The following RPL27A variants were observed in gnomAD, a reference collection of about 807,000 sequenced individuals.
RPL27A encodes large ribosomal subunit protein uL15.
For missense variants in RPL27A, 118 were observed against 189.4 expected, an observed-to-expected ratio of 0.62 and a Z score of 2.21; for synonymous variants, 69 against 68.3, an observed-to-expected ratio of 1.01 and a Z score of -0.05.
rs1412409228 is a variant in RPL27A, at chr11:8,684,843, C to T, written c.269C>T (p.Ala90Val). 3 of 1,614,050 alleles carry T rather than the reference C, an allele frequency of 1.9e-6. No individual in the cohort carries two copies. Among genetic ancestry groups the T allele is most frequent in the Non-Finnish European group, 2.5e-6 (3 of 1,179,898 alleles). Residue 90 changes from alanine (A) to valine (V), a missense_variant, in exon 4 of 5, where the codon GCT becomes GTT. Transcript: ENST00000314138. Reference protein sequence around the residue: ...TLVSEQTRVNAAKNKTGAAPI... With the variant: ...TLVSEQTRVNVAKNKTGAAPI... The stretch of plus-strand genomic sequence containing the variant: ...GTCAGTGAACAGACACGGGTGAATG[C>T]TGCTAAAAACAAGACTGGGGCTGCT...
At chr11:8,684,974 G>T in intron 4 of RPL27A, 82 bp downstream of exon 4, 6 of 1,292,114 alleles carry the variant, frequency 4.6e-6, no homozygotes, top group Non-Finnish European at 6.8e-6. Flanking sequence ...TATATAATCT[G>T]TACTTCCCAG....
chr11:8,683,130 C>T, intron 1 of RPL27A, 72 bp from the exon 2 acceptor site: 20 of 1,458,934 alleles, frequency 1.4e-5, no homozygotes, highest in Non-Finnish European at 1.8e-5. Context: ...GCTTACAGGA[C>T]CATCTCGGCT....
At chr11:8,685,552 C>A in intron 4 of RPL27A, 126 bp from the exon 5 acceptor site, 1 of 1,065,672 alleles carries the variant, frequency 9.4e-7, no homozygotes, top group Non-Finnish European at 1.5e-6. Context: ...CCCGTTAGTG[C>A]CCAGATCAGA....
chr11:8,684,301 C>A, intron 3 of RPL27A: 2 of 752,120 alleles, frequency 2.7e-6, no homozygotes, highest in Non-Finnish European at 4.9e-6. Context: ...AACTGCTGAC[C>A]TTATTCACTG....
Position 8,686,037 on chromosome 11 carries a change from C to T in RPL27A, c.*231C>T, listed in dbSNP as rs140695892. On this transcript the variant is annotated 3_prime_UTR_variant, in exon 5 of 5. Coordinates refer to ENST00000314138, the MANE Select transcript of RPL27A (RefSeq NM_000990.5). ...TCTGTTTATAAAGTCAGAATAATAC[C>T]TGTTGATCACTGAAAGGCCTGCATG... 8.3e-5 allele frequency: 41 copies of T among 493,664 alleles called. No individual in the cohort carries two copies. Among genetic ancestry groups the T allele is most frequent in the African/African-American group, 7.5e-4 (39 of 52,032 alleles). The allele number at this position is 493,664 out of a possible 1,614,324, so 30.6% of individuals were successfully genotyped here.
Position 8,687,123 on chromosome 11 carries a change from T to C in RPL27A, c.*1317T>C, listed in dbSNP as rs2039593593. 6.6e-6 allele frequency: 1 copy of C among 152,254 alleles called. No individual in the cohort carries two copies. Among genetic ancestry groups the C allele is most frequent in the Admixed American group, 6.5e-5 (1 of 15,284 alleles). 9.4% of individuals were successfully genotyped at this position (152,254 alleles called of 1,614,324 possible). On this transcript the variant is annotated 3_prime_UTR_variant, in exon 5 of 5. Transcript: ENST00000314138. ...ACAAGTAGTGAAACCTCGATTCAGC[T>C]GGACAATTTTAAACAAATGTATCAT... is the stretch of plus-strand genomic sequence containing the variant.
intron 4 of RPL27A, 25 bp from the exon 5 acceptor site, chr11:8,685,653 T>C (rs1470835232): frequency 6.2e-7 from 1 of 1,613,696 alleles, no homozygotes; most frequent in East Asian, 2.2e-5. Context: ...CAGTGTATTG[T>C]AAACTTTTTT....
In RPL27A at chr11:8,689,142, A is replaced by T. The variant is rs2039615230; in HGVS notation, c.*3336A>T. 6.6e-6 allele frequency: 1 copy of T among 152,128 alleles called. No homozygotes were observed. The highest frequency in any genetic ancestry group is 2.4e-5 in the African/African-American group (1 of 41,426). The allele number at this position is 152,128 out of a possible 1,614,324, so 9.4% of individuals were successfully genotyped here. A position where few individuals can be genotyped will look rare whatever the true frequency, so the allele number is the denominator to read the frequency against. ...CTGGAGAGGCGGGATGTTCAACTCC[A>T]CCCCTGGTCCTTGGGCGGCCGTGGG... On this transcript the variant is annotated 3_prime_UTR_variant, in exon 5 of 5. Coordinates refer to ENST00000314138, the MANE Select transcript of RPL27A (RefSeq NM_000990.5).
At chr11:8,683,323 T>A in intron 2 of RPL27A, 58 bp downstream of exon 2, 2 of 1,461,128 alleles carry the variant, frequency 1.4e-6, no homozygotes, top group South Asian at 1.1e-5. Context: ...GCTTAGCTAG[T>A]CTGGAGATCG....
At chr11:8,682,902 A>G in intron 1 of RPL27A, 86 bp downstream of exon 1, 1 of 1,473,290 alleles carries the variant, frequency 6.8e-7, no homozygotes, top group South Asian at 1.3e-5. Context: ...TCCACTCCCT[A>G]CCATGGTCGG....
chr11:8,689,745 A>G lies in RPL27A; in HGVS notation c.*3939A>G, dbSNP rs1379988565. On this transcript the variant is annotated 3_prime_UTR_variant, in exon 5 of 5. Coordinates refer to ENST00000314138, the MANE Select transcript of RPL27A (RefSeq NM_000990.5). ...GGCTCTATTTTACATCCCAATTTTT[A>G]TTTTCCTCTCATTCCCACTTTACGT... 6.6e-6 allele frequency: 1 copy of G among 152,054 alleles called. No individual in the cohort carries two copies. The highest frequency in any genetic ancestry group is 1.5e-5 in the Non-Finnish European group (1 of 67,990). 9.4% of individuals were successfully genotyped at this position (152,054 alleles called of 1,614,324 possible).
Position 8,686,297 on chromosome 11 carries a change from TCTCGG to T in RPL27A, c.*495_*499del, listed in dbSNP as rs2039586134. ...GCCAGGCTGGAGTGCAGTGGCACGA[TCTCGG>T]CTCACTGCAGCCTCCGCCTCCCAGG... On this transcript the variant is annotated 3_prime_UTR_variant, in exon 5 of 5. Coordinates refer to ENST00000314138, the MANE Select transcript of RPL27A (RefSeq NM_000990.5). 1 of 153,566 alleles carries T rather than the reference TCTCGG, an allele frequency of 6.5e-6. No individual in the cohort carries two copies. Among genetic ancestry groups the T allele is most frequent in the Non-Finnish European group, 1.4e-5 (1 of 69,032 alleles). The allele number at this position is 153,566 out of a possible 1,614,324, so 9.5% of individuals were successfully genotyped here.
At chr11:8,685,004 A>C (rs1350947075) in intron 4 of RPL27A, 112 bp downstream of exon 4, 3 of 1,051,796 alleles carry the variant, frequency 2.9e-6, no homozygotes, top group Non-Finnish European at 4.4e-6. Flanking sequence ...AGACATTGAT[A>C]TTCTTCCTGT....
At chr11:8,682,842 C>T (rs957798008) in intron 1 of RPL27A, 26 bp downstream of exon 1, 7 of 1,608,970 alleles carry the variant, frequency 4.4e-6, no homozygotes, top group African/African-American at 1.3e-5. Context: ...CTTGCCTCCT[C>T]TTCCTTGCCG....
At position 8,687,944 on chromosome 11, in the gene RPL27A, C is replaced by T. The variant is rs2039602674; in HGVS notation, c.*2138C>T. 1.4e-5 allele frequency: 2 copies of T among 147,026 alleles called. No individual in the cohort carries two copies. Among genetic ancestry groups the T allele is most frequent in the Admixed American group, 1.4e-4 (2 of 14,368 alleles). The allele number at this position is 147,026 out of a possible 1,614,324, so 9.1% of individuals were successfully genotyped here. Reference sequence around the variant, plus strand: ...CCAGGCACTTAATTTTTGTGTTTGACTTAGTAACTTAAGTGCAAACTATTA... The same window carrying T: ...CCAGGCACTTAATTTTTGTGTTTGATTTAGTAACTTAAGTGCAAACTATTA... On this transcript the variant is annotated 3_prime_UTR_variant, in exon 5 of 5. Transcript: ENST00000314138.
At position 8,684,887 on chromosome 11, in the gene RPL27A, C is replaced by G. The variant is rs762392735; in HGVS notation, c.313C>G (p.Arg105Gly). Residue 105 changes from arginine to glycine, a missense_variant, in exon 4 of 5, where the codon CGA (arginine) becomes GGA (glycine). Arg to Gly is a moderately radical substitution (Grantham distance 125). Coordinates refer to ENST00000314138, the MANE Select transcript of RPL27A (RefSeq NM_000990.5). ...GGCTGCTCCCATCATTGATGTGGTGCGATCGGTAAGTTAATTGGATGTTTT... is the reference window on the plus strand; with the variant it reads ...GGCTGCTCCCATCATTGATGTGGTGGGATCGGTAAGTTAATTGGATGTTTT... The part of the protein sequence containing the change: ...TGAAPIIDVV[R>G]SGYYKVLGKG... The G allele has an allele frequency of 1.2e-6, 2 of 1,614,068 alleles. No individual in the cohort carries two copies. The highest frequency in any genetic ancestry group is 2.2e-5 in the South Asian group (2 of 91,080).
intron 1 of RPL27A, 166 bp downstream of exon 1, chr11:8,682,982 A>T (rs1592234034): frequency 1.0e-6 from 1 of 1,003,218 alleles, no homozygotes; most frequent in Non-Finnish European, 1.5e-6. Context: ...GGGCTCCCGG[A>T]GCCGTGTGTT....
rs1241067613 is a variant in RPL27A at position 8,683,091 on chromosome 11, G to T, written c.4-111G>T. On this transcript the variant is annotated intron_variant, in intron 1 of 4. Coordinates refer to ENST00000314138, the MANE Select transcript of RPL27A (RefSeq NM_000990.5). ...ATCGGTACCCTCAGCTTTCCCAAAC[G>T]CTCCAGAAGTTAGGTCTTTGACCCA... The T allele has an allele frequency of 6.8e-5, 81 of 1,185,252 alleles. No homozygotes were observed. The East Asian group carries it at 1.9e-3, about 27-fold the overall frequency. The allele number at this position is 1,185,252 out of a possible 1,614,324, so 73.4% of individuals were successfully genotyped here.
rs1242026987 is a variant in RPL27A, at chr11:8,688,438, G to A, written c.*2632G>A. The A allele has an allele frequency of 6.6e-6, 1 of 152,214 alleles. No homozygotes were observed. Among genetic ancestry groups the A allele is most frequent in the African/African-American group, 2.4e-5 (1 of 41,444 alleles). The allele number at this position is 152,214 out of a possible 1,614,324, so 9.4% of individuals were successfully genotyped here. A position where few individuals can be genotyped will look rare whatever the true frequency, so the allele number is the denominator to read the frequency against. On this transcript the variant is annotated 3_prime_UTR_variant, in exon 5 of 5. Coordinates refer to ENST00000314138, the MANE Select transcript of RPL27A (RefSeq NM_000990.5). ...TTCTAAAAACTGTTTCATGTGATGA[G>A]GAACAGACGAAAATAGTTTTGAGCC...
Sources: allele counts gnomAD v4.1 joint callset, GRCh38; gene constraint gnomAD v4.1.1; transcripts MANE v1.5; gene names NCBI Gene and HGNC (gene_info 2026-07-23, HGNC 2026-07-21).